Variants in ATP1A3 observed in about 807,000 individuals in gnomAD.
ATP1A3 encodes the protein ATPase Na+/K+ transporting subunit alpha 3.
ATP1A3 carries 12 observed loss-of-function variants against 108.8 expected under a neutral mutation model. The observed-to-expected ratio is 0.11, with a 90% CI of 0.07 to 0.18. The LOEUF (loss-of-function observed/expected upper bound fraction) is 0.18. ATP1A3 is among the 10% of genes least tolerant of loss of function. The pLI, the probability that ATP1A3 is intolerant of heterozygous loss-of-function variation, is 1.00. For missense variants in ATP1A3, 498 were observed against 1,387.7 expected, an observed-to-expected ratio of 0.36 and a Z score of 10.19; for synonymous variants, 539 against 564.5, an observed-to-expected ratio of 0.95 and a Z score of 0.64.
intron 8 of ATP1A3, among the ~76,000 whole-genome samples, chr19:41,983,779 T>A (rs1555864320): frequency 7.1e-6 from 1 of 141,506 alleles, no homozygotes; most frequent in East Asian, 2.0e-4. Flanking sequence ...TTTTTTTTTT[T>A]TTTTTTTTTT....
chr19:41,989,283 C>T (rs1421337914), intron 1 of ATP1A3, among the ~76,000 whole-genome samples: 1 of 151,362 alleles, frequency 6.6e-6, no homozygotes. Flanking sequence ...TCTTCCCTCT[C>T]CCTGGCCCTG....
chr19:41,975,443 C>T (rs1459560268), intron 16 of ATP1A3, among the ~76,000 whole-genome samples, 186 bp downstream of exon 16: 2 of 152,194 alleles, frequency 1.3e-5, no homozygotes, highest in African/African-American at 4.8e-5. Context: ...TCAGCTCAGT[C>T]CTGCCCAGGG....
intron 1 of ATP1A3, among the ~76,000 whole-genome samples, chr19:41,990,657 T>TC (rs1555866973): frequency 4.5e-5 from 6 of 132,980 alleles, no homozygotes; most frequent in African/African-American, 1.5e-4. Flanking sequence ...TCTCTCTCTC[T>TC]TTCTCTCTCT....
chr19:41,977,867 G>C, intron 14 of ATP1A3, 69 bp downstream of exon 14: 2 of 1,584,074 alleles, frequency 1.3e-6, no homozygotes, highest in East Asian at 2.2e-5. Flanking sequence ...GGAGGTTGGG[G>C]GGAAGCGGTC....
At chr19:41,970,864 C>A (rs2075099088) in intron 16 of ATP1A3, among the ~76,000 whole-genome samples, 2 of 151,782 alleles carry the variant, frequency 1.3e-5, no homozygotes, top group African/African-American at 4.8e-5. Flanking sequence ...AATCTCCTGA[C>A]CTCGTGATCT....
intron 8 of ATP1A3, among the ~76,000 whole-genome samples, chr19:41,982,590 C>A (rs191962439): frequency 6.6e-6 from 1 of 151,626 alleles, no homozygotes; most frequent in African/African-American, 2.4e-5. Context: ...CGTGACACTG[C>A]ACTCCAGCCT....
intron 15 of ATP1A3, 56 bp from the exon 16 acceptor site, chr19:41,975,853 C>T (rs983690323): frequency 6.5e-5 from 105 of 1,610,894 alleles, no homozygotes; most frequent in Non-Finnish European, 8.5e-5. Flanking sequence ...GAGTCCCCTC[C>T]CTCAGATCCA....
chr19:41,975,895 A>G (rs558821358), intron 15 of ATP1A3, 98 bp from the exon 16 acceptor site: 1 of 1,524,858 alleles, frequency 6.6e-7, no homozygotes, highest in East Asian at 2.3e-5. Flanking sequence ...CTCCTCCTTC[A>G]GACCTAGAAG....
At chr19:41,976,717 G>A (rs1402003609) in intron 14 of ATP1A3, 151 bp from the exon 15 acceptor site, 3 of 1,073,218 alleles carry the variant, frequency 2.8e-6, no homozygotes, top group Middle Eastern at 2.5e-4. Flanking sequence ...GGGAGAAGCA[G>A]GGGAGAAGGG....
rs782030367 is a variant in ATP1A3, at chr19:41,967,267, G to A, written c.2995C>T (p.Leu999=). The change falls in exon 22 of 23, where the codon CTG becomes TTG. Residue 999 remains leucine, a synonymous_variant. Coordinates refer to ENST00000648268, the MANE Select transcript of ATP1A3 (RefSeq NM_152296.5). The surrounding 1 kb of genome is among the most constrained non-coding windows in gnomAD (Gnocchi z 4.2). ...CCCTCACCCCCTGGGTTCCTGCGCA[G>A]GATGAGTTTGCGGATTTCGTCGTAG... ...FVYDEIRKLI[L]RRNPGGWVEK... 1 of 1,613,998 alleles carries A rather than the reference G, an allele frequency of 6.2e-7. No individual in the cohort carries two copies. The highest frequency in any genetic ancestry group is 8.5e-7 in the Non-Finnish European group (1 of 1,180,028).
rs1482782824 is a variant in ATP1A3, at chr19:41,978,896, T to C, written c.1438-98A>G. 1.6e-6 allele frequency: 2 copies of C among 1,244,758 alleles called. No individual in the cohort carries two copies. The highest frequency in any genetic ancestry group is 2.3e-6 in the Non-Finnish European group (2 of 870,212). The allele number at this position is 1,244,758 out of a possible 1,614,324, so 77.1% of individuals were successfully genotyped here. ...CTGTCCAGAGCCACGGGTGCCAGGA[T>C]AGGCCCACACCAGGGCTCCCCCACA... On this transcript the variant is annotated intron_variant, in intron 11 of 22. Coordinates refer to ENST00000648268, the MANE Select transcript of ATP1A3 (RefSeq NM_152296.5). This position sits in a 1 kb window ranked among gnomAD's most constrained non-coding sequence, Gnocchi z 8.3.
chr19:41,989,149 A>G (rs1379810520), intron 1 of ATP1A3, among the ~76,000 whole-genome samples: 1 of 150,982 alleles, frequency 6.6e-6, no homozygotes, highest in Non-Finnish European at 1.5e-5. Flanking sequence ...TACACTGCCC[A>G]GGCTGGTCTC....
intron 1 of ATP1A3, chr19:41,993,391 A>AC: frequency 6.5e-7 from 1 of 1,534,478 alleles, no homozygotes; most frequent in Non-Finnish European, 8.7e-7. Flanking sequence ...CAGTCTCCCC[A>AC]CCGTGGCTCT....
intron 4 of ATP1A3, among the ~76,000 whole-genome samples, chr19:41,987,570 T>C (rs1204946938): frequency 6.6e-6 from 1 of 152,132 alleles, no homozygotes; most frequent in Non-Finnish European, 1.5e-5. Flanking sequence ...CCCTGTGTTA[T>C]GGGGATGGGC....
At chr19:41,970,695 G>C (rs1159640832) in intron 16 of ATP1A3, among the ~76,000 whole-genome samples, 153 bp from the exon 17 acceptor site, 1 of 147,548 alleles carries the variant, frequency 6.8e-6, no homozygotes, top group Non-Finnish European at 1.5e-5. Context: ...GCAGTGGTGC[G>C]ATCTCGGCTC....
rs2075087822 is a variant in ATP1A3, at chr19:41,970,194, C to T, written c.2533G>A (p.Gly845Arg). ...GTCCCCGGTGCCTCACCAATCTGCC[C>T]GTAGGCCATGCTGATGAGTCTCTCA... The part of the protein sequence containing the change: ...VNERLISMAY[G>R]QIGMIQALGG... Residue 845 changes from glycine to arginine, a missense_variant, in exon 18 of 23, where the codon GGG becomes AGG. Transcript: ENST00000648268. The T allele has an allele frequency of 6.2e-7, 1 of 1,614,234 alleles. No individual in the cohort carries two copies. The highest frequency in any genetic ancestry group is 8.5e-7 in the Non-Finnish European group (1 of 1,180,042).
chr19:41,990,172 T>C (rs1477472765), intron 1 of ATP1A3, among the ~76,000 whole-genome samples: 1 of 152,130 alleles, frequency 6.6e-6, no homozygotes, highest in African/African-American at 2.4e-5. Context: ...TCTCCCTACC[T>C]GTCTCTTTTC....
Position 41,985,531 on chromosome 19 carries a change from G to C in ATP1A3, c.607-108C>G. The C allele has an allele frequency of 8.6e-7, 1 of 1,163,884 alleles. No homozygotes were observed. Among genetic ancestry groups the C allele is most frequent in the Admixed American group, 1.8e-5 (1 of 56,768 alleles). The allele number at this position is 1,163,884 out of a possible 1,614,324, so 72.1% of individuals were successfully genotyped here. A position where few individuals can be genotyped will look rare whatever the true frequency, so the allele number is the denominator to read the frequency against. ...CCTGTGTGCCTGGAGATCACAGCTA[G>C]AAGCCTGGGTGCCCAGTGGGTGAGT... is the stretch of plus-strand genomic sequence containing the variant. On this transcript the variant is annotated intron_variant, in intron 6 of 22. Transcript: ENST00000648268. This position sits in a 1 kb window ranked among gnomAD's most constrained non-coding sequence, Gnocchi z 8.2.
chr19:41,986,256 C>T, intron 4 of ATP1A3, 27 bp from the exon 5 acceptor site: 3 of 1,605,784 alleles, frequency 1.9e-6, no homozygotes, highest in Non-Finnish European at 2.5e-6. Flanking sequence ...GGATGTTGAT[C>T]AGGGGCCGCC....
Sources: gnomAD v4.1 joint callset for allele counts (sites outside exome capture counted in the v4.1 genomes callset) on GRCh38, gnomAD v4.1.1 for gene constraint, Gnocchi (gnomAD v3.1) non-coding constraint, MANE v1.5 for transcripts, NCBI Gene and HGNC (gene_info 2026-07-23, HGNC 2026-07-21) for gene names.